The following MALRD1 variants were observed in gnomAD, a reference collection of about 807,000 sequenced individuals.
MALRD1 encodes MAM and LDL-receptor class A domain-containing protein 1.
A neutral mutation model predicts 242.1 loss-of-function variants in MALRD1; 247 were observed. That is an observed-to-expected ratio of 1.02 (90% confidence interval 0.92 to 1.13). The LOEUF is 1.13. Among genes scored for constraint, MALRD1 ranks in the 50% most tolerant of loss-of-function variants. The probability of loss-of-function intolerance (pLI) is 0.00; values close to 1 mark genes in which losing one functional copy is unlikely to be tolerated. For missense variants in MALRD1, 2,989 were observed against 2,533.1 expected (o/e 1.18, Z -3.86); for synonymous variants, 995 against 866.6 (o/e 1.15, Z -2.60).
chr10:19,257,333 C>T (rs1242558750), intron 18 of MALRD1, among the ~76,000 whole-genome samples: 1 of 152,054 alleles, frequency 6.6e-6, no homozygotes, highest in Non-Finnish European at 1.5e-5. Flanking sequence ...AATTATTTGC[C>T]TTCAAATACT....
chr10:19,226,788 A>T (rs1469058123), intron 18 of MALRD1, among the ~76,000 whole-genome samples: 2 of 152,084 alleles, frequency 1.3e-5, no homozygotes, highest in Non-Finnish European at 2.9e-5. Context: ...GCATCTGCAG[A>T]AGTGTGCTAG....
At chr10:19,164,437 T>G (rs1834580219) in intron 12 of MALRD1, among the ~76,000 whole-genome samples, 1 of 152,186 alleles carries the variant, frequency 6.6e-6, no homozygotes, top group African/African-American at 2.4e-5. Context: ...AAAAAGAATT[T>G]AAAATATAAT....
At chr10:19,518,677 A>G (rs1423701693) in intron 31 of MALRD1, among the ~76,000 whole-genome samples, 1 of 151,066 alleles carries the variant, frequency 6.6e-6, no homozygotes, top group Non-Finnish European at 1.5e-5. Flanking sequence ...TTTTTTTTTC[A>G]TAAATACTAA....
chr10:19,287,300 C>T (rs958792322), intron 21 of MALRD1, among the ~76,000 whole-genome samples: 1 of 151,964 alleles, frequency 6.6e-6, no homozygotes, highest in South Asian at 2.1e-4. Flanking sequence ...AATATATAGT[C>T]GTTTCTTGAT....
chr10:19,462,388 T>C (rs1835991737), intron 29 of MALRD1, among the ~76,000 whole-genome samples: 1 of 152,254 alleles, frequency 6.6e-6, no homozygotes, highest in African/African-American at 2.4e-5. Flanking sequence ...AATCTGCTTC[T>C]CATAGAAACT....
At chr10:19,713,767 C>T (rs1254965474) in intron 38 of MALRD1, among the ~76,000 whole-genome samples, 3 of 152,168 alleles carry the variant, frequency 2.0e-5, no homozygotes, top group African/African-American at 7.2e-5. Context: ...GTAAAATGCA[C>T]AATGCACAGT....
chr10:19,337,276 A>G (rs1008237377), intron 24 of MALRD1, among the ~76,000 whole-genome samples: 3 of 152,184 alleles, frequency 2.0e-5, no homozygotes, highest in African/African-American at 7.2e-5. Context: ...GATCAGTGCT[A>G]TGAGAAAAAG....
chr10:19,237,341 A>G (rs1466963038), intron 18 of MALRD1, among the ~76,000 whole-genome samples: 1 of 147,046 alleles, frequency 6.8e-6, no homozygotes, highest in Non-Finnish European at 1.5e-5. Context: ...CTACTTCTCT[A>G]TTAACATTTT....
chr10:19,708,082 G>A (rs1276052726), intron 38 of MALRD1, among the ~76,000 whole-genome samples: 2 of 119,930 alleles, frequency 1.7e-5, no homozygotes, highest in African/African-American at 2.6e-5. Context: ...CATCAAAGAT[G>A]ATCCCAGAGT....
intron 28 of MALRD1, among the ~76,000 whole-genome samples, chr10:19,428,686 A>G (rs1403242607): frequency 6.8e-6 from 1 of 147,740 alleles, no homozygotes; most frequent in Non-Finnish European, 1.5e-5. Context: ...AATGTCAAAA[A>G]TTTGAAAAAA....
intron 13 of MALRD1, among the ~76,000 whole-genome samples, chr10:19,174,140 G>A (rs972506407): frequency 3.3e-5 from 5 of 152,096 alleles, no homozygotes; most frequent in African/African-American, 1.2e-4. Flanking sequence ...GTAAAAACTT[G>A]GAGAGAACTC....
At chr10:19,438,101 A>G (rs572224431) in intron 28 of MALRD1, among the ~76,000 whole-genome samples, 83 of 151,994 alleles carry the variant, frequency 5.5e-4, no homozygotes, top group Non-Finnish European at 9.9e-4. Flanking sequence ...TTCTGTACCC[A>G]TTACACTCTA....
chr10:19,534,761 C>A (rs1201535118), intron 32 of MALRD1, among the ~76,000 whole-genome samples: 1 of 151,890 alleles, frequency 6.6e-6, no homozygotes, highest in Admixed American at 6.6e-5. Flanking sequence ...AATATTTTGA[C>A]AATTAAAAAA....
chr10:19,079,767 C>G (rs977128567), intron 2 of MALRD1, among the ~76,000 whole-genome samples: 1 of 151,712 alleles, frequency 6.6e-6, no homozygotes, highest in Non-Finnish European at 1.5e-5. Flanking sequence ...GTCTTCTGTC[C>G]AGGGTAATCA....
At chr10:19,394,447 G>A (rs992880864) in intron 28 of MALRD1, among the ~76,000 whole-genome samples, 3 of 152,086 alleles carry the variant, frequency 2.0e-5, no homozygotes, top group Non-Finnish European at 4.4e-5. Context: ...TAAATATTTT[G>A]TTCAAGAGGC....
intron 36 of MALRD1, among the ~76,000 whole-genome samples, chr10:19,625,081 A>C (rs1017053919): frequency 3.4e-5 from 5 of 145,630 alleles, no homozygotes; most frequent in Non-Finnish European, 6.1e-5. Context: ...AGAGAGAGAC[A>C]TGAGACATGG....
At chr10:19,615,990 G>A in intron 36 of MALRD1, 67 bp downstream of exon 36, 2 of 1,141,756 alleles carry the variant, frequency 1.8e-6, no homozygotes, top group South Asian at 1.4e-5. Context: ...TTTTCTATAG[G>A]CTGATATAAT....
chr10:19,690,146 C>T (rs930210231), intron 36 of MALRD1, among the ~76,000 whole-genome samples: 1 of 151,982 alleles, frequency 6.6e-6, no homozygotes, highest in Non-Finnish European at 1.5e-5. Context: ...AAATACACAA[C>T]AAATAAAGAT....
intron 18 of MALRD1, among the ~76,000 whole-genome samples, chr10:19,216,411 A>T (rs947180435): frequency 3.3e-5 from 5 of 151,472 alleles, no homozygotes; most frequent in African/African-American, 9.7e-5. Flanking sequence ...CACTATACCT[A>T]GCTTTCTACT....
Sources: allele counts gnomAD v4.1 joint callset (sites outside exome capture counted in the v4.1 genomes callset), GRCh38; gene constraint gnomAD v4.1.1; transcripts MANE v1.5; gene names NCBI Gene and HGNC (gene_info 2026-07-23, HGNC 2026-07-21).